The following CENPE variants were observed in gnomAD, a reference collection of about 807,000 sequenced individuals.
CENPE encodes the protein centromere protein E.
A neutral mutation model predicts 336.1 loss-of-function variants in CENPE; 145 were observed. The observed-to-expected ratio is 0.43, with a 90% confidence interval of 0.38 to 0.50. The LOEUF is 0.50. CENPE is among the 20% of genes least tolerant of loss of function. The probability of loss-of-function intolerance (pLI) is 0.00; values close to 1 mark genes in which losing one functional copy is unlikely to be tolerated. For missense variants in CENPE, 2,719 were observed against 3,023.3 expected (o/e 0.90, Z 2.36); for synonymous variants, 1,013 against 984.8 (o/e 1.03, Z -0.54).
intron 46 of CENPE, among the ~76,000 whole-genome samples, chr4:103,111,428 A>ATATGTATTCAATACATAT (rs1381485965): frequency 2.6e-5 from 4 of 152,252 alleles, no homozygotes; most frequent in African/African-American, 9.6e-5. Context: ...TCAGTGCATT[A>ATATGTATTCAATACATAT]TATGTATTCA....
At chr4:103,179,570 T>C (rs1756159983) in intron 13 of CENPE, among the ~76,000 whole-genome samples, 2 of 152,222 alleles carry the variant, frequency 1.3e-5, no homozygotes, top group Non-Finnish European at 2.9e-5. Flanking sequence ...ACATTAACAA[T>C]GTACATTAGT....
chr4:103,125,866 C>CA (rs1314621341), intron 42 of CENPE, among the ~76,000 whole-genome samples: 2,359 of 47,370 alleles, frequency 0.05, 139 homozygotes, highest in African/African-American at 0.13. Context: ...GACTCCATCT[C>CA]AAAAAAAAAA....
chr4:103,141,740 A>G lies in CENPE; in HGVS notation c.5463+10T>C. On this transcript the variant is annotated intron_variant, in intron 35 of 48. Transcript: ENST00000265148. ...AGATATCCAATCAAACAATCCCCCC[A>G]TAAAAATACCTTTTCTTGTAATTTA... 4 of 1,502,048 alleles carry G rather than the reference A, an allele frequency of 2.7e-6. No homozygotes were observed. The South Asian group carries it at 4.8e-5, about 18-fold the overall frequency. The allele number at this position is 1,502,048 out of a possible 1,614,324, so 93.0% of individuals were successfully genotyped here. A position where few individuals can be genotyped will look rare whatever the true frequency, so the allele number is the denominator to read the frequency against.
rs1252792884 is a variant in CENPE, at chr4:103,149,230, T to C, written c.3575A>G (p.Tyr1192Cys). 3 of 1,613,050 alleles carry C rather than the reference T, an allele frequency of 1.9e-6. No homozygotes were observed. Among genetic ancestry groups the C allele is most frequent in the Non-Finnish European group, 2.5e-6 (3 of 1,179,814 alleles). The change falls in exon 27 of 49, where the codon TAT becomes TGT. Residue 1192 changes from tyrosine (Y) to cysteine (C), a missense_variant. Tyr to Cys is a radical substitution (Grantham distance 194). Around this residue, in one of 5 missense-constraint regions of CENPE, gnomAD observed 2,437 missense variants for 2,513.3 expected, o/e 0.97. Transcript: ENST00000265148. ...LELAQKLNEN[Y>C]EEVKSITKER... The stretch of plus-strand genomic sequence containing the variant: ...TTTGGTTATAGATTTCACTTCCTCA[T>C]AATTTTCATTAAGTTTCTGAGCCAA...
chr4:103,195,838 T>C, intron 4 of CENPE, 82 bp downstream of exon 4: 1 of 846,240 alleles, frequency 1.2e-6, no homozygotes, highest in South Asian at 1.4e-5. Flanking sequence ...CTTTCATCTT[T>C]ACAAGAGAAA....
At chr4:103,140,781 A>G (rs1752485603) in intron 36 of CENPE, 33 bp downstream of exon 36, 2 of 1,530,006 alleles carry the variant, frequency 1.3e-6, no homozygotes, top group Non-Finnish European at 1.7e-6. Flanking sequence ...ATATGTGAAT[A>G]TAATGGTAGG....
intron 44 of CENPE, among the ~76,000 whole-genome samples, chr4:103,117,737 C>T (rs1039404563): frequency 4.6e-5 from 7 of 150,960 alleles, no homozygotes; most frequent in Non-Finnish European, 1.0e-4. Context: ...AAGCGATTCT[C>T]CTGCCTCAGT....
At chr4:103,191,653 TG>T (rs1757347318) in intron 8 of CENPE, among the ~76,000 whole-genome samples, 1 of 26,094 alleles carries the variant, frequency 3.8e-5, no homozygotes, top group African/African-American at 1.4e-4. Flanking sequence ...TGTTGTGGGG[TG>T]GGGGGAGGGG....
intron 16 of CENPE, 55 bp from the exon 17 acceptor site, chr4:103,163,608 CAAAA>C (rs11315612): frequency 0.011 from 3,243 of 300,480 alleles, no homozygotes; most frequent in Middle Eastern, 0.015. Context: ...TAAAGCAAAG[CAAAA>C]AAAAAAAAAA....
At chr4:103,126,534 A>C (rs1751118740) in intron 42 of CENPE, among the ~76,000 whole-genome samples, 1 of 152,228 alleles carries the variant, frequency 6.6e-6, no homozygotes, top group South Asian at 2.1e-4. Flanking sequence ...CAGCAAAAAA[A>C]ATTACAAGAC....
At chr4:103,143,179 A>G in intron 34 of CENPE, 69 bp downstream of exon 34, 1 of 1,114,704 alleles carries the variant, frequency 9.0e-7, no homozygotes, top group South Asian at 1.6e-5. Flanking sequence ...GGTAATTCAT[A>G]TCTTGTTTCA....
At chr4:103,113,175 TA>T (rs1423459693) in intron 46 of CENPE, among the ~76,000 whole-genome samples, 2 of 134,192 alleles carry the variant, frequency 1.5e-5, no homozygotes, top group Non-Finnish European at 3.1e-5. Flanking sequence ...TATAAGTATA[TA>T]AGTGTATATA....
At chr4:103,180,196 G>T in intron 13 of CENPE, 115 bp downstream of exon 13, 1 of 893,844 alleles carries the variant, frequency 1.1e-6, no homozygotes, top group Non-Finnish European at 1.6e-6. Context: ...AATCTTCTGG[G>T]TTTCTTGAAT....
intron 20 of CENPE, 44 bp downstream of exon 20, chr4:103,161,042 G>T (rs750040981): frequency 2.1e-6 from 3 of 1,456,426 alleles, no homozygotes; most frequent in Non-Finnish European, 2.8e-6. Context: ...TACATTTCTA[G>T]AAGAAGTCAG....
intron 43 of CENPE, among the ~76,000 whole-genome samples, chr4:103,121,916 A>G (rs1216064564): frequency 6.6e-6 from 1 of 151,928 alleles, no homozygotes; most frequent in Non-Finnish European, 1.5e-5. Flanking sequence ...CCTGTACTAA[A>G]TTCTCATACT....
At chr4:103,127,108 A>C (rs894439714) in intron 42 of CENPE, among the ~76,000 whole-genome samples, 8 of 150,830 alleles carry the variant, frequency 5.3e-5, no homozygotes, top group Non-Finnish European at 1.0e-4. Flanking sequence ...AAAAAAAAAA[A>C]AAAACCAAAA....
chr4:103,196,828 C>T lies in CENPE; in HGVS notation c.79G>A (p.Ala27Thr), dbSNP rs1757776185. 2 of 1,581,504 alleles carry T rather than the reference C, an allele frequency of 1.3e-6. No homozygotes were observed. Among genetic ancestry groups the T allele is most frequent in the Non-Finnish European group, 8.7e-7 (1 of 1,152,856 alleles). The change falls in exon 2 of 49, where the codon GCC (alanine) becomes ACC (threonine). Residue 27 changes from alanine (A) to threonine (T), a missense_variant. Ala to Thr is a moderately conservative substitution (Grantham distance 58). Coordinates refer to ENST00000265148, the MANE Select transcript of CENPE (RefSeq NM_001813.3). ...NSREESLGET[A>T]QVYWKTDNNV... Reference sequence around the variant, plus strand: ...TTGTCAGTTTTCCAGTAAACTTGGGCAGTTTCTCCAAGTGATTCTTCTCTA... The same window carrying T: ...TTGTCAGTTTTCCAGTAAACTTGGGTAGTTTCTCCAAGTGATTCTTCTCTA...
chr4:103,175,894 A>C (rs1755811582), intron 15 of CENPE, 66 bp downstream of exon 15: 1 of 1,006,824 alleles, frequency 9.9e-7, no homozygotes, highest in Admixed American at 2.4e-5. Flanking sequence ...CAAGTAACAA[A>C]ACCTAATAAC....
Position 103,194,309 on chromosome 4 carries a change from C to A in CENPE, c.628-15G>T. On this transcript the variant is annotated splice_polypyrimidine_tract_variant and intron_variant, in intron 7 of 48. Coordinates refer to ENST00000265148, the MANE Select transcript of CENPE (RefSeq NM_001813.3). ...CTTTCCAAAATCTAGATAGAAAAGG[C>A]AAGCTGTAGAAAAATTAGTGCATTC... is the stretch of plus-strand genomic sequence containing the variant. The A allele has an allele frequency of 6.2e-7, 1 of 1,611,806 alleles. No individual in the cohort carries two copies. Among genetic ancestry groups the A allele is most frequent in the Non-Finnish European group, 8.5e-7 (1 of 1,178,606 alleles).
Sources: gnomAD v4.1 joint callset for allele counts (sites outside exome capture counted in the v4.1 genomes callset) on GRCh38, gnomAD v4.1.1 for gene constraint, gnomAD v4.1.1 regional missense constraint, MANE v1.5 for transcripts, NCBI Gene and HGNC (gene_info 2026-07-23, HGNC 2026-07-21) for gene names.